Variants in DLG2 observed in about 807,000 individuals in gnomAD.
The protein encoded by DLG2 is disks large homolog 2.
A neutral mutation model predicts 132.5 loss-of-function variants in DLG2; 45 were observed. The ratio of observed to expected loss-of-function variants is 0.34; its 90% CI spans 0.27 to 0.44. DLG2 has a LOEUF of 0.44. Among genes scored for constraint, DLG2 ranks in the 20% least tolerant of loss-of-function variants. The probability of loss-of-function intolerance (pLI) is 1.00; values close to 1 mark genes in which losing one functional copy is unlikely to be tolerated. For synonymous variants in DLG2, 424 were observed against 419.6 expected, an observed-to-expected ratio of 1.01 and a Z score of -0.13; for missense variants, 1,045 against 1,196.9, an observed-to-expected ratio of 0.87 and a Z score of 1.87.
At chr11:83,706,605 G>C (rs1324530626) in intron 18 of DLG2, among the ~76,000 whole-genome samples, 1 of 152,172 alleles carries the variant, frequency 6.6e-6, no homozygotes, top group Non-Finnish European at 1.5e-5. Flanking sequence ...AGGAAGCAGG[G>C]AAACCTTCTG....
At chr11:84,125,543 G>A (rs972192050) in intron 9 of DLG2, among the ~76,000 whole-genome samples, 1 of 152,134 alleles carries the variant, frequency 6.6e-6, no homozygotes, top group African/African-American at 2.4e-5. Context: ...ATTTTGAGAT[G>A]GGGGCAAGTC....
At chr11:84,649,828 A>G (rs957400252) in intron 6 of DLG2, among the ~76,000 whole-genome samples, 4 of 152,278 alleles carry the variant, frequency 2.6e-5, no homozygotes, top group Admixed American at 6.5e-5. Flanking sequence ...GATTCCAGGG[A>G]AAATCACAGA....
intron 11 of DLG2, among the ~76,000 whole-genome samples, chr11:84,022,232 TC>T (rs1200177694): frequency 4.6e-5 from 7 of 152,138 alleles, no homozygotes; most frequent in African/African-American, 1.2e-4. Context: ...ATTCGGGGCA[TC>T]CTTTTCTCTG....
chr11:83,759,742 T>A (rs960417488), intron 18 of DLG2, among the ~76,000 whole-genome samples: 2 of 152,174 alleles, frequency 1.3e-5, no homozygotes, highest in Non-Finnish European at 2.9e-5. Context: ...GAGAAAGATC[T>A]CTGCAGAAAA....
chr11:84,048,728 G>A (rs2154116937), intron 11 of DLG2, among the ~76,000 whole-genome samples: 1 of 151,638 alleles, frequency 6.6e-6, no homozygotes, highest in African/African-American at 2.4e-5. Flanking sequence ...CCAGTGGTCT[G>A]GTAAAATGCT....
chr11:85,013,182 C>T (rs1162736370), intron 6 of DLG2, among the ~76,000 whole-genome samples: 2 of 152,118 alleles, frequency 1.3e-5, no homozygotes, highest in African/African-American at 4.8e-5. Context: ...TCCCTTGAAC[C>T]TTTTATAGCA....
At chr11:84,664,231 C>G (rs889433515) in intron 6 of DLG2, among the ~76,000 whole-genome samples, 1 of 152,054 alleles carries the variant, frequency 6.6e-6, no homozygotes, top group Non-Finnish European at 1.5e-5. Flanking sequence ...GTGTACATAT[C>G]GTTCCCTTTT....
intron 4 of DLG2, among the ~76,000 whole-genome samples, chr11:85,275,897 G>C (rs1294434044): frequency 6.6e-6 from 1 of 151,352 alleles, no homozygotes; most frequent in Non-Finnish European, 1.5e-5. Context: ...TAGAAAATAC[G>C]AAGCTCCCCA....
chr11:84,661,062 T>C (rs7933975), intron 6 of DLG2, among the ~76,000 whole-genome samples: 33,639 of 152,154 alleles, frequency 0.22, 5,362 homozygotes, highest in African/African-American at 0.45. Context: ...GATCTACAGA[T>C]ATAAAATAAA....
intron 17 of DLG2, among the ~76,000 whole-genome samples, chr11:83,791,807 C>G (rs945792230): frequency 6.6e-6 from 1 of 152,202 alleles, no homozygotes; most frequent in African/African-American, 2.4e-5. Context: ...CCAGGACCGG[C>G]GTGACTGCTG....
intron 6 of DLG2, among the ~76,000 whole-genome samples, chr11:84,856,984 A>G (rs577057191): frequency 1.1e-4 from 16 of 152,034 alleles, no homozygotes; most frequent in African/African-American, 3.6e-4. Flanking sequence ...GATCATTTCT[A>G]TAGGAGAGGA....
chr11:83,776,205 G>A (rs1483352178), intron 18 of DLG2, among the ~76,000 whole-genome samples: 1 of 152,088 alleles, frequency 6.6e-6, no homozygotes, highest in African/African-American at 2.4e-5. Context: ...ATGTTTTCAG[G>A]AAAGGATGAA....
intron 16 of DLG2, among the ~76,000 whole-genome samples, chr11:83,847,822 A>T (rs1289649666): frequency 6.6e-6 from 1 of 152,178 alleles, no homozygotes; most frequent in Non-Finnish European, 1.5e-5. Context: ...AGAGAACAGA[A>T]ATGGCTCTAT....
At chr11:85,241,281 T>C (rs2152676848) in intron 4 of DLG2, among the ~76,000 whole-genome samples, 1 of 151,996 alleles carries the variant, frequency 6.6e-6, no homozygotes, top group Admixed American at 6.6e-5. Context: ...TTCTATTAAT[T>C]TGTTTATAGG....
At chr11:83,628,996 T>C (rs898325018) in intron 19 of DLG2, among the ~76,000 whole-genome samples, 1 of 152,172 alleles carries the variant, frequency 6.6e-6, no homozygotes, top group African/African-American at 2.4e-5. Flanking sequence ...ATGTATTTAC[T>C]GGGTCAGGAT....
At chr11:85,504,553 T>C (rs1284516200) in intron 3 of DLG2, among the ~76,000 whole-genome samples, 3 of 152,202 alleles carry the variant, frequency 2.0e-5, no homozygotes, top group Non-Finnish European at 4.4e-5. Flanking sequence ...GAGGACTCTG[T>C]TCTGTTCCAT....
At chr11:84,998,165 A>G (rs1042753632) in intron 6 of DLG2, among the ~76,000 whole-genome samples, 1 of 152,036 alleles carries the variant, frequency 6.6e-6, no homozygotes, top group African/African-American at 2.4e-5. Flanking sequence ...ATAGATTGAC[A>G]TATGTATTAA....
At chr11:84,580,708 G>A (rs1197774307) in intron 6 of DLG2, among the ~76,000 whole-genome samples, 1 of 152,158 alleles carries the variant, frequency 6.6e-6, no homozygotes, top group African/African-American at 2.4e-5. Context: ...AAGCTATTTG[G>A]ACATTATAGT....
intron 3 of DLG2, among the ~76,000 whole-genome samples, chr11:85,535,556 C>T (rs1163108860): frequency 1.3e-5 from 2 of 151,850 alleles, no homozygotes; most frequent in Non-Finnish European, 2.9e-5. Context: ...TTAGTGAAAC[C>T]ACATTGAAAA....
Sources: gnomAD v4.1 joint callset for allele counts (sites outside exome capture counted in the v4.1 genomes callset) on GRCh38, gnomAD v4.1.1 for gene constraint, MANE v1.5 for transcripts, NCBI Gene and HGNC (gene_info 2026-07-23, HGNC 2026-07-21) for gene names.